The following CTNNA3 variants were observed in gnomAD, a reference collection of about 807,000 sequenced individuals.
CTNNA3 encodes catenin alpha 3.
In CTNNA3, 76 loss-of-function variants were observed where a neutral mutation model predicts 95.7. The ratio of observed to expected loss-of-function variants is 0.79; its 90% CI spans 0.66 to 0.96. The LOEUF is 0.96. CTNNA3 is among the 40% of genes least tolerant of loss of function. The probability of loss-of-function intolerance (pLI) is 0.00; values close to 1 mark genes in which losing one functional copy is unlikely to be tolerated. For missense variants in CTNNA3, 1,191 were observed against 1,089.8 expected (o/e 1.09, Z -1.31); for synonymous variants, 431 against 374.4 (o/e 1.15, Z -1.74).
chr10:66,977,130 C>T (rs1850081616), intron 7 of CTNNA3, among the ~76,000 whole-genome samples: 1 of 151,946 alleles, frequency 6.6e-6, no homozygotes, highest in Non-Finnish European at 1.5e-5. Flanking sequence ...TTTAAAGGAC[C>T]TATAATGGGT....
chr10:67,086,540 C>G (rs1448414055), intron 7 of CTNNA3, among the ~76,000 whole-genome samples: 1 of 151,924 alleles, frequency 6.6e-6, no homozygotes, highest in East Asian at 1.9e-4. Context: ...CAAAGCAGGA[C>G]AAACTATTTT....
intron 11 of CTNNA3, among the ~76,000 whole-genome samples, chr10:66,383,441 C>G (rs1472978204): frequency 6.6e-6 from 1 of 152,082 alleles, no homozygotes; most frequent in Non-Finnish European, 1.5e-5. Context: ...AAATATGGGA[C>G]TATGTGAAAA....
At chr10:66,191,898 G>A (rs1397078967) in intron 13 of CTNNA3, among the ~76,000 whole-genome samples, 1 of 152,144 alleles carries the variant, frequency 6.6e-6, no homozygotes, top group Non-Finnish European at 1.5e-5. Flanking sequence ...CTGCCCTCAT[G>A]AATGAATTAA....
At chr10:67,624,811 A>C (rs1036430473) in intron 2 of CTNNA3, among the ~76,000 whole-genome samples, 2 of 152,218 alleles carry the variant, frequency 1.3e-5, no homozygotes, top group Non-Finnish European at 2.9e-5. Context: ...GAGAAAAATC[A>C]GTTTGTCTCT....
intron 7 of CTNNA3, among the ~76,000 whole-genome samples, chr10:66,879,511 C>T (rs1053212312): frequency 6.6e-6 from 1 of 152,110 alleles, no homozygotes; most frequent in African/African-American, 2.4e-5. Flanking sequence ...TCTTACCACA[C>T]ACTACTGTGT....
intron 1 of CTNNA3, among the ~76,000 whole-genome samples, chr10:67,759,672 C>T (rs901091900): frequency 2.0e-5 from 3 of 152,114 alleles, no homozygotes; most frequent in African/African-American, 7.2e-5. Context: ...TTGATAACTG[C>T]ATTCTATTAT....
At chr10:66,646,995 T>C (rs1239419022) in intron 9 of CTNNA3, among the ~76,000 whole-genome samples, 3 of 145,636 alleles carry the variant, frequency 2.1e-5, no homozygotes, top group African/African-American at 7.8e-5. Context: ...CAATAATAAT[T>C]CTGTGATCTC....
intron 13 of CTNNA3, among the ~76,000 whole-genome samples, chr10:66,115,540 A>AGAT (rs1054466553): frequency 2.1e-5 from 3 of 144,028 alleles, no homozygotes; most frequent in African/African-American, 7.6e-5. Flanking sequence ...ATAGATAGAT[A>AGAT]GATAGATAGA....
intron 7 of CTNNA3, among the ~76,000 whole-genome samples, chr10:66,809,499 CT>C (rs1841790562): frequency 6.6e-6 from 1 of 151,754 alleles, no homozygotes; most frequent in South Asian, 2.1e-4. Flanking sequence ...CATTTTTGTT[CT>C]TTTAACAGAT....
intron 5 of CTNNA3, among the ~76,000 whole-genome samples, chr10:67,496,116 C>T (rs1839015059): frequency 6.6e-6 from 1 of 152,108 alleles, no homozygotes; most frequent in African/African-American, 2.4e-5. Context: ...TTACATAATG[C>T]GGGAAGAGTC....
intron 5 of CTNNA3, among the ~76,000 whole-genome samples, chr10:67,327,156 T>C (rs961230201): frequency 6.6e-6 from 1 of 152,188 alleles, no homozygotes; most frequent in Non-Finnish European, 1.5e-5. Context: ...CTTCCTTGGA[T>C]TGGGTTTCAA....
chr10:67,332,774 T>C (rs1335314050), intron 5 of CTNNA3, among the ~76,000 whole-genome samples: 2 of 152,174 alleles, frequency 1.3e-5, no homozygotes, highest in Middle Eastern at 3.2e-3. Flanking sequence ...AAGGTATTTC[T>C]CCTACAGCTC....
At chr10:66,319,546 AGAACATAGAATAT>A (rs1373470201) in intron 12 of CTNNA3, among the ~76,000 whole-genome samples, 1 of 152,150 alleles carries the variant, frequency 6.6e-6, no homozygotes, top group Non-Finnish European at 1.5e-5. Flanking sequence ...TTGCTTTTCT[AGAACATAGAATAT>A]GAACATAATT....
intron 12 of CTNNA3, among the ~76,000 whole-genome samples, chr10:66,331,198 A>T (rs2092323444): frequency 6.6e-6 from 1 of 151,884 alleles, no homozygotes; most frequent in African/African-American, 2.4e-5. Flanking sequence ...TTATGGTTTT[A>T]GGTCTAACGT....
At chr10:66,465,101 C>G (rs1262224768) in intron 11 of CTNNA3, among the ~76,000 whole-genome samples, 1 of 152,148 alleles carries the variant, frequency 6.6e-6, no homozygotes, top group Non-Finnish European at 1.5e-5. Context: ...AAAGCTACAG[C>G]TATACCACAA....
At chr10:67,052,310 ATCACTCTCTC>A (rs1274504228) in intron 7 of CTNNA3, among the ~76,000 whole-genome samples, 13 of 92,760 alleles carry the variant, frequency 1.4e-4, no homozygotes, top group African/African-American at 4.0e-4. Flanking sequence ...ACACCCACTC[ATCACTCTCTC>A]TCTCTCTCTC....
chr10:66,948,113 C>G (rs1360442225), intron 7 of CTNNA3, among the ~76,000 whole-genome samples: 1 of 152,112 alleles, frequency 6.6e-6, no homozygotes, highest in African/African-American at 2.4e-5. Context: ...GTGGGATCAC[C>G]ATCATATATG....
At chr10:66,577,327 T>A (rs985480384) in intron 10 of CTNNA3, among the ~76,000 whole-genome samples, 1 of 152,096 alleles carries the variant, frequency 6.6e-6, no homozygotes, top group Non-Finnish European at 1.5e-5. Flanking sequence ...GCTCTTTAAG[T>A]TAATTAGGTC....
At chr10:67,584,963 G>T (rs1454718759) in intron 3 of CTNNA3, among the ~76,000 whole-genome samples, 2 of 152,218 alleles carry the variant, frequency 1.3e-5, no homozygotes, top group Non-Finnish European at 2.9e-5. Context: ...GGTACCGTCT[G>T]TCACGGCTTT....
Sources: gnomAD v4.1 joint callset for allele counts (sites outside exome capture counted in the v4.1 genomes callset) on GRCh38, gnomAD v4.1.1 for gene constraint, MANE v1.5 for transcripts, NCBI Gene and HGNC (gene_info 2026-07-23, HGNC 2026-07-21) for gene names.